The following ALG8 variants were observed in gnomAD, a reference collection of about 807,000 sequenced individuals.
ALG8 encodes dolichyl pyrophosphate Glc1Man9GlcNAc2 alpha-1,3-glucosyltransferase.
Under a neutral mutation model 70.2 loss-of-function variants are expected in ALG8, and 48 were observed. The ratio of observed to expected loss-of-function variants is 0.68; its 90% CI spans 0.54 to 0.87. ALG8 has a LOEUF of 0.87. Ranked by LOEUF, ALG8 falls within the 40% of genes least tolerant of loss-of-function variation. The pLI, the probability that ALG8 is intolerant of heterozygous loss-of-function variation, is 0.00. For missense variants in ALG8, 572 were observed against 608.7 expected (o/e 0.94, Z 0.64); for synonymous variants, 234 against 229.0 (o/e 1.02, Z -0.20).
chr11:78,127,411 G>C lies in ALG8; in HGVS notation c.121C>G (p.Arg41Gly), dbSNP rs200888240. 2 of 1,613,446 alleles carry C rather than the reference G, an allele frequency of 1.2e-6. No individual in the cohort carries two copies. Among genetic ancestry groups the C allele is most frequent in the African/African-American group, 1.3e-5 (1 of 74,810 alleles). The change falls in exon 2 of 13, where the codon CGA becomes GGA. Residue 41 changes from arginine to glycine, a missense_variant. Arg to Gly is a moderately radical substitution (Grantham distance 125, BLOSUM62 -2). Transcript: ENST00000299626. ...TYHSTDFEVHRNWLAITHSLP... is the reference protein window; with the variant it reads ...TYHSTDFEVHGNWLAITHSLP... Reference sequence around the variant, plus strand: ...CTGTGAGTGATAGCAAGCCAGTTTCGGTGTACTTCAAAATCTGTGGAATGG... The same window carrying C: ...CTGTGAGTGATAGCAAGCCAGTTTCCGTGTACTTCAAAATCTGTGGAATGG...
intron 1 of ALG8, among the ~76,000 whole-genome samples, chr11:78,128,683 T>C (rs1374778477): frequency 6.6e-6 from 1 of 150,900 alleles, no homozygotes; most frequent in Non-Finnish European, 1.5e-5. Context: ...CGATCTTGGC[T>C]CACTGCAAAC....
chr11:78,128,162 C>A (rs1298026878), intron 1 of ALG8, among the ~76,000 whole-genome samples: 1 of 152,172 alleles, frequency 6.6e-6, no homozygotes, highest in Non-Finnish European at 1.5e-5. Flanking sequence ...GGGAAAAGAT[C>A]CTTGCTTTGC....
rs73501230 is a variant in ALG8 at position 78,112,562 on chromosome 11, A to G, written c.898+88T>C. The G allele has an allele frequency of 1.3e-3, 2,068 of 1,583,530 alleles. 22 individuals are homozygous for G. The African/African-American group carries it at 0.025, about 19-fold the overall frequency. On this transcript the variant is annotated intron_variant, in intron 8 of 12. Coordinates refer to ENST00000299626, the MANE Select transcript of ALG8 (RefSeq NM_024079.5). ...ACTGGAGAACAAACAATTCAGCCAC[A>G]TTCAAAACACAAAGGTTTTTCCATT...
At chr11:78,123,963 T>C in intron 3 of ALG8, 58 bp downstream of exon 3, 1 of 1,566,180 alleles carries the variant, frequency 6.4e-7, no homozygotes, top group Non-Finnish European at 8.8e-7. Flanking sequence ...TTAATACTAC[T>C]TAACACTGTA....
At chr11:78,122,799 G>T (rs1423194106) in intron 3 of ALG8, among the ~76,000 whole-genome samples, 2 of 152,062 alleles carry the variant, frequency 1.3e-5, no homozygotes, top group Non-Finnish European at 2.9e-5. Context: ...TTCAACTCTT[G>T]CCAGGTCATA....
At chr11:78,127,480 T>C (rs1861130822) in intron 1 of ALG8, 44 bp from the exon 2 acceptor site, 11 of 1,541,424 alleles carry the variant, frequency 7.1e-6, no homozygotes, top group Non-Finnish European at 9.8e-6. Context: ...TTTGCAATAT[T>C]TATCAATTTC....
chr11:78,120,161 T>G (rs1432428158), intron 4 of ALG8, among the ~76,000 whole-genome samples: 3 of 152,032 alleles, frequency 2.0e-5, no homozygotes, highest in Non-Finnish European at 2.9e-5. Context: ...ACTAGATGAT[T>G]TAAAATATAT....
intron 10 of ALG8, among the ~76,000 whole-genome samples, chr11:78,105,663 GA>G (rs1189709944): frequency 7.2e-6 from 1 of 139,544 alleles, no homozygotes; most frequent in Non-Finnish European, 1.5e-5. Flanking sequence ...AAAAAAAAAA[GA>G]AAGGAAAAAA....
intron 7 of ALG8, 46 bp downstream of exon 7, chr11:78,113,839 CA>C: frequency 7.7e-7 from 1 of 1,293,988 alleles, no homozygotes; most frequent in Non-Finnish European, 1.0e-6. Flanking sequence ...TTCTAAACAC[CA>C]ACAAAGAACA....
At chr11:78,130,057 A>C (rs140275633) in intron 1 of ALG8, among the ~76,000 whole-genome samples, 153 of 152,360 alleles carry the variant, frequency 1.0e-3, no homozygotes, top group African/African-American at 2.6e-3. Context: ...TATGCGGTTA[A>C]AAGAACATCA....
chr11:78,113,854 A>G lies in ALG8; in HGVS notation c.777+32T>C, dbSNP rs1407084651. 5.0e-6 allele frequency: 7 copies of G among 1,393,500 alleles called. No individual in the cohort carries two copies. In the African/African-American group the frequency reaches 1.2e-4, roughly 23 times the overall value. The allele number at this position is 1,393,500 out of a possible 1,614,324, so 86.3% of individuals were successfully genotyped here. A position where few individuals can be genotyped will look rare whatever the true frequency, so the allele number is the denominator to read the frequency against. ...TTCTAAACACCAACAAAGAACATGT[A>G]TTAATTGAAAAAAAAAAAAAAAAAG... is the stretch of plus-strand genomic sequence containing the variant. On this transcript the variant is annotated intron_variant, in intron 7 of 12. Coordinates refer to ENST00000299626, the MANE Select transcript of ALG8 (RefSeq NM_024079.5).
At chr11:78,116,619 G>A (rs1860584071) in intron 5 of ALG8, among the ~76,000 whole-genome samples, 1 of 152,034 alleles carries the variant, frequency 6.6e-6, no homozygotes, top group South Asian at 2.1e-4. Context: ...ACTGGAGGCT[G>A]AGGCAGGAGG....
chr11:78,107,215 ATATATAT>A (rs1274351829), intron 9 of ALG8, among the ~76,000 whole-genome samples: 1 of 147,488 alleles, frequency 6.8e-6, no homozygotes, highest in Non-Finnish European at 1.5e-5. Flanking sequence ...ATATATATAT[ATATATAT>A]AATTTTTTGT....
chr11:78,112,875 G>C, intron 7 of ALG8, 105 bp from the exon 8 acceptor site: 1 of 1,412,072 alleles, frequency 7.1e-7, no homozygotes, highest in Non-Finnish European at 9.6e-7. Context: ...AAAGTTATGG[G>C]GTCTGGGTTC....
chr11:78,109,868 C>T (rs181634971), intron 8 of ALG8, among the ~76,000 whole-genome samples: 12 of 152,300 alleles, frequency 7.9e-5, no homozygotes, highest in African/African-American at 2.9e-4. Context: ...CCTCTGAAAG[C>T]AAGCTTCTAG....
intron 1 of ALG8, 74 bp downstream of exon 1, chr11:78,139,420 T>G (rs1003518825): frequency 7.1e-7 from 1 of 1,400,718 alleles, no homozygotes; most frequent in African/African-American, 1.4e-5. Context: ...CCCAGGGATA[T>G]CCACACCTTT....
At chr11:78,131,476 A>C (rs1861307426) in intron 1 of ALG8, among the ~76,000 whole-genome samples, 1 of 152,060 alleles carries the variant, frequency 6.6e-6, no homozygotes, top group Non-Finnish European at 1.5e-5. Flanking sequence ...GGTGGTGTGC[A>C]CCTGTAGTCC....
intron 8 of ALG8, among the ~76,000 whole-genome samples, chr11:78,110,572 T>C (rs1860240960): frequency 6.6e-6 from 1 of 152,184 alleles, no homozygotes; most frequent in African/African-American, 2.4e-5. Flanking sequence ...ACTGTATTCC[T>C]TGAAGGCAGG....
chr11:78,133,226 C>A (rs1171575451), intron 1 of ALG8, among the ~76,000 whole-genome samples: 4 of 152,196 alleles, frequency 2.6e-5, no homozygotes, highest in African/African-American at 9.7e-5. Context: ...CTGAACTACA[C>A]ACTTCACAGG....
Sources: gnomAD v4.1 joint callset for allele counts (sites outside exome capture counted in the v4.1 genomes callset) on GRCh38, gnomAD v4.1.1 for gene constraint, MANE v1.5 for transcripts, NCBI Gene and HGNC (gene_info 2026-07-23, HGNC 2026-07-21) for gene names.